LEKR1: variants seen among roughly 807,000 people sequenced by gnomAD.
LEKR1 encodes protein LEKR1.
In LEKR1, 59 loss-of-function variants were observed where a neutral mutation model predicts 72.4. The ratio of observed to expected loss-of-function variants is 0.82; its 90% CI spans 0.66 to 1.01. The LOEUF is 1.01. Ranked by LOEUF, LEKR1 falls within the 50% of genes least tolerant of loss-of-function variation. The probability of loss-of-function intolerance (pLI) is 0.00; values close to 1 mark genes in which losing one functional copy is unlikely to be tolerated. For synonymous variants in LEKR1, 257 were observed against 263.2 expected (o/e 0.98, Z 0.23); for missense variants, 728 against 759.2 (o/e 0.96, Z 0.48).
At position 156,832,605 on chromosome 3, in the gene LEKR1, A is replaced by G. The variant is rs141223165; in HGVS notation, c.48+3228A>G. 2.5e-4 allele frequency among the ~76,000 whole-genome samples: 38 copies of G among 152,352 alleles called. No individual in the cohort carries two copies. In the East Asian group the frequency reaches 4.4e-3, roughly 18 times the overall value. ...TAAGGAATCTCAGATTAGACCTTTT[A>G]AAAGTCTCTAGCCCAGCCAAGGATT... On this transcript the variant is annotated intron_variant, in intron 2 of 12. Coordinates refer to ENST00000356539, the MANE Select transcript of LEKR1 (RefSeq NM_001004316.3).
rs181899757 is a variant in LEKR1 at position 156,883,752 on chromosome 3, C to A, written c.263+30770C>A. On this transcript the variant is annotated intron_variant, in intron 3 of 12. Transcript: ENST00000356539. Reference sequence around the variant, plus strand: ...ACCTTCCACCATGATTGTGAGGCCTCCCCAGCCATGTGGAACTGTAAATCC... The same window carrying A: ...ACCTTCCACCATGATTGTGAGGCCTACCCAGCCATGTGGAACTGTAAATCC... Among the ~76,000 whole-genome samples, 479 of 152,270 alleles carry A rather than the reference C, an allele frequency of 3.1e-3. 2 individuals are homozygous for A. Among genetic ancestry groups the A allele is most frequent in the African/African-American group, 0.011 (453 of 41,570 alleles).
At chr3:156,844,282 A>C (rs1335766054) in intron 2 of LEKR1, among the ~76,000 whole-genome samples, 1 of 152,078 alleles carries the variant, frequency 6.6e-6, no homozygotes, top group African/African-American at 2.4e-5. Context: ...TTATTATTTT[A>C]AAATTAAACT....
chr3:156,966,206 G>A lies in LEKR1; in HGVS notation c.746-12988G>A, dbSNP rs138129530. On this transcript the variant is annotated intron_variant, in intron 6 of 12. Coordinates refer to ENST00000356539, the MANE Select transcript of LEKR1 (RefSeq NM_001004316.3). ...GTCCACAGCTCCCAGCATGAGTGAC[G>A]CAGAAGACGGGTGATTTCTGCATTT... Among the ~76,000 whole-genome samples the A allele has an allele frequency of 4.7e-3, 721 of 152,272 alleles. 9 individuals carry two copies. The highest frequency in any genetic ancestry group is 0.022 in the Admixed American group (334 of 15,292).
At chr3:157,032,863 G>T (rs540092808) in intron 12 of LEKR1, among the ~76,000 whole-genome samples, 2 of 151,620 alleles carry the variant, frequency 1.3e-5, no homozygotes, top group East Asian at 2.0e-4. Flanking sequence ...TGTCGAGAAA[G>T]TCTCTCAGTG....
At chr3:157,030,586 T>C (rs1452607832) in intron 12 of LEKR1, among the ~76,000 whole-genome samples, 1 of 152,236 alleles carries the variant, frequency 6.6e-6, no homozygotes, top group African/African-American at 2.4e-5. Flanking sequence ...AGTTATCTAT[T>C]GCTACGTGAC....
At position 156,942,628 on chromosome 3, in the gene LEKR1, T is replaced by G. The variant is rs1446349701; in HGVS notation, c.659T>G (p.Ile220Arg). The change falls in exon 6 of 13, where the codon ATA becomes AGA. Residue 220 changes from isoleucine (I) to arginine (R), a missense_variant. Physicochemically the swap from Ile to Arg is moderately conservative, Grantham distance 97. Transcript: ENST00000356539. ...CTGAAATTGTTGTCAGATGCAGCCA[T>G]ATTGAGATCTCAGCAGATTCGGACA... is the stretch of plus-strand genomic sequence containing the variant. The part of the protein sequence containing the change: ...KNLKLLSDAA[I>R]LRSQQIRTSR... 2 of 1,268,170 alleles carry G rather than the reference T, an allele frequency of 1.6e-6. No individual in the cohort carries two copies. Among genetic ancestry groups the G allele is most frequent in the Non-Finnish European group, 2.0e-6 (2 of 978,702 alleles). The allele number at this position is 1,268,170 out of a possible 1,614,324, so 78.6% of individuals were successfully genotyped here.
chr3:157,001,996 A>AG (rs1370918833), intron 9 of LEKR1, among the ~76,000 whole-genome samples: 1 of 152,158 alleles, frequency 6.6e-6, no homozygotes, highest in Non-Finnish European at 1.5e-5. Context: ...AAAACTGGGA[A>AG]GCTCCAGTTT....
intron 7 of LEKR1, 119 bp from the exon 8 acceptor site, chr3:156,992,534 A>G (rs564544598): frequency 2.8e-4 from 56 of 199,084 alleles, no homozygotes; most frequent in Middle Eastern, 2.1e-3. Context: ...ATTTCTTTAA[A>G]CAAATAATAA....
At chr3:156,935,278 A>G (rs2108578435) in intron 5 of LEKR1, among the ~76,000 whole-genome samples, 1 of 152,324 alleles carries the variant, frequency 6.6e-6, no homozygotes, top group Middle Eastern at 3.4e-3. Flanking sequence ...AGTATATTCA[A>G]TTCCCAAGCA....
intron 2 of LEKR1, among the ~76,000 whole-genome samples, chr3:156,843,003 T>C (rs2108533158): frequency 6.6e-6 from 1 of 152,218 alleles, no homozygotes; most frequent in Non-Finnish European, 1.5e-5. Flanking sequence ...ATTTAGATCA[T>C]ATCTCTAAAT....
At chr3:156,950,519 G>C (rs1727057998) in intron 6 of LEKR1, among the ~76,000 whole-genome samples, 1 of 151,370 alleles carries the variant, frequency 6.6e-6, no homozygotes. Flanking sequence ...TCTTTGGGCA[G>C]TTTGTAATTC....
At chr3:156,971,321 C>A (rs1446992404) in intron 6 of LEKR1, among the ~76,000 whole-genome samples, 1 of 152,252 alleles carries the variant, frequency 6.6e-6, no homozygotes, top group Admixed American at 6.5e-5. Context: ...CTTCCTTACA[C>A]CTTATACAAA....
chr3:157,030,087 G>A (rs1407259663), intron 12 of LEKR1, among the ~76,000 whole-genome samples: 1 of 152,170 alleles, frequency 6.6e-6, no homozygotes, highest in Non-Finnish European at 1.5e-5. Context: ...AGGACCTTAG[G>A]AAGCTTACAA....
rs184386546 is a variant in LEKR1 at position 156,917,019 on chromosome 3, C to T, written c.264-3556C>T. Among the ~76,000 whole-genome samples, 45 of 152,064 alleles carry T rather than the reference C, an allele frequency of 3.0e-4. 1 individual carries two copies. Among genetic ancestry groups the T allele is most frequent in the African/African-American group, 1.1e-3 (45 of 41,498 alleles). On this transcript the variant is annotated intron_variant, in intron 3 of 12. Coordinates refer to ENST00000356539, the MANE Select transcript of LEKR1 (RefSeq NM_001004316.3). ...AGAGAAACAGAAGCAATGCAGCAAA[C>T]TGAAGAAAACTTCAAAAACACACTA... is the stretch of plus-strand genomic sequence containing the variant.
intron 3 of LEKR1, among the ~76,000 whole-genome samples, chr3:156,865,349 C>A (rs759589566): frequency 1.3e-4 from 19 of 151,944 alleles, no homozygotes; most frequent in Non-Finnish European, 2.6e-4. Flanking sequence ...CTAATACTAC[C>A]TTTGTCATGG....
At chr3:156,845,678 T>C (rs1311508004) in intron 2 of LEKR1, among the ~76,000 whole-genome samples, 1 of 152,142 alleles carries the variant, frequency 6.6e-6, no homozygotes, top group Non-Finnish European at 1.5e-5. Context: ...TTCTGTTCCA[T>C]TGATCTATGT....
At chr3:156,964,840 A>C (rs144838541) in intron 6 of LEKR1, among the ~76,000 whole-genome samples, 1 of 152,336 alleles carries the variant, frequency 6.6e-6, no homozygotes, top group East Asian at 1.9e-4. Flanking sequence ...CTACTGGAAA[A>C]TGTCCTAAAT....
chr3:156,909,047 G>C (rs1341954136), intron 3 of LEKR1, among the ~76,000 whole-genome samples: 1 of 152,092 alleles, frequency 6.6e-6, no homozygotes, highest in Non-Finnish European at 1.5e-5. Flanking sequence ...TCTCATGAGA[G>C]CTGATGGTTT....
At chr3:156,979,880 G>A (rs960092539) in intron 7 of LEKR1, 2 of 152,276 alleles carry the variant, frequency 1.3e-5, no homozygotes, top group African/African-American at 2.4e-5. Flanking sequence ...CATGCGTGTT[G>A]GCACACTCCT....
Sources: allele counts gnomAD v4.1 joint callset (sites outside exome capture counted in the v4.1 genomes callset), GRCh38; gene constraint gnomAD v4.1.1; transcripts MANE v1.5; gene names NCBI Gene and HGNC (gene_info 2026-07-23, HGNC 2026-07-21).